The following SLC12A1 variants were observed in gnomAD, a reference collection of about 807,000 sequenced individuals.
SLC12A1 encodes the protein solute carrier family 12 member 1.
Under a neutral mutation model 130.4 loss-of-function variants are expected in SLC12A1, and 89 were observed. The observed-to-expected ratio is 0.68, with a 90% confidence interval of 0.58 to 0.81. SLC12A1 has a LOEUF of 0.81. Among genes scored for constraint, SLC12A1 ranks in the 40% least tolerant of loss-of-function variants. The probability of loss-of-function intolerance (pLI) is 0.00; values close to 1 mark genes in which losing one functional copy is unlikely to be tolerated. For synonymous variants in SLC12A1, 499 were observed against 460.0 expected (o/e 1.08, Z -1.09); for missense variants, 1,310 against 1,336.4 (o/e 0.98, Z 0.31).
chr15:48,267,747 G>C, intron 18 of SLC12A1, 46 bp downstream of exon 18: 1 of 1,603,034 alleles, frequency 6.2e-7, no homozygotes. Flanking sequence ...AAGACAATTA[G>C]TGCTCCATGT....
chr15:48,210,081 T>C (rs1386901462), intron 2 of SLC12A1, among the ~76,000 whole-genome samples: 1 of 151,820 alleles, frequency 6.6e-6, no homozygotes, highest in Non-Finnish European at 1.5e-5. Context: ...TCCTTTTCTG[T>C]GTCAAGAAAG....
In SLC12A1 at chr15:48,276,694, C is replaced by T. The variant is rs537318178; in HGVS notation, c.2485+2041C>T. ...GTGACACTTGTTATGGCAGCCTGGG[C>T]GGACTAATACAGGAGACATCATGGC... On this transcript the variant is annotated intron_variant, in intron 20 of 26. Transcript: ENST00000380993. Among the ~76,000 whole-genome samples, 5 of 152,172 alleles carry T rather than the reference C, an allele frequency of 3.3e-5. No homozygotes were observed. The East Asian group carries it at 5.8e-4, about 18-fold the overall frequency.
intron 23 of SLC12A1, 97 bp downstream of exon 23, chr15:48,288,613 A>T (rs2042085414): frequency 3.1e-6 from 2 of 640,998 alleles, no homozygotes; most frequent in Admixed American, 2.8e-5. Context: ...GACACAATAG[A>T]CTCAAAGACA....
intron 9 of SLC12A1, among the ~76,000 whole-genome samples, chr15:48,239,071 C>T (rs527837452): frequency 1.3e-5 from 2 of 152,234 alleles, no homozygotes; most frequent in South Asian, 2.1e-4. Flanking sequence ...TGGGTTACTG[C>T]GTGTGGATAG....
intron 25 of SLC12A1, among the ~76,000 whole-genome samples, chr15:48,300,392 T>C (rs1318105056): frequency 6.6e-6 from 1 of 150,898 alleles, no homozygotes; most frequent in Admixed American, 6.6e-5. Context: ...GCTCTTCAGG[T>C]AGGATTTTGT....
intron 23 of SLC12A1, among the ~76,000 whole-genome samples, chr15:48,290,133 CT>C (rs1211346429): frequency 2.0e-5 from 3 of 151,950 alleles, no homozygotes; most frequent in Non-Finnish European, 4.4e-5. Context: ...AAACTGTTTT[CT>C]TTTTTTCTTT....
intron 25 of SLC12A1, among the ~76,000 whole-genome samples, chr15:48,300,230 C>T (rs183080109): frequency 2.0e-5 from 3 of 150,846 alleles, no homozygotes; most frequent in Admixed American, 6.6e-5. Flanking sequence ...ACTTGGGAGG[C>T]GAAGGCAGGA....
At position 48,259,404 on chromosome 15, in the gene SLC12A1, A is replaced by G. The variant is rs2041745082; in HGVS notation, c.2154+93A>G. 1.0e-5 allele frequency: 9 copies of G among 864,942 alleles called. No individual in the cohort carries two copies. In the South Asian group the frequency reaches 1.1e-4, roughly 10 times the overall value. The allele number at this position is 864,942 out of a possible 1,614,324, so 53.6% of individuals were successfully genotyped here. ...GAGAAAAGGTACATGCAGTGACAGG[A>G]AAATAGCAAAAAAACAGTTTATAGG... On this transcript the variant is annotated intron_variant, in intron 17 of 26. Transcript: ENST00000380993.
Position 48,255,864 on chromosome 15 carries a change from A to G in SLC12A1, c.1996A>G (p.Asn666Asp). ...TCTTTCCTACGTGAGTGCTTTAGAC[A>G]ATGCTCTGGAATTAACCACAGTGGA... ...QALSYVSALD[N>D]ALELTTVEDH... is the part of the protein sequence containing the mutation. Residue 666 changes from asparagine to aspartate, a missense_variant, in exon 16 of 27, where the codon AAT (asparagine) becomes GAT (aspartate). Asn to Asp is a conservative substitution (Grantham distance 23). Coordinates refer to ENST00000380993, the MANE Select transcript of SLC12A1 (RefSeq NM_000338.3). 1 of 1,606,988 alleles carries G rather than the reference A, an allele frequency of 6.2e-7. No homozygotes were observed. The highest frequency in any genetic ancestry group is 8.5e-7 in the Non-Finnish European group (1 of 1,176,684).
chr15:48,285,369 A>T, intron 21 of SLC12A1, 120 bp downstream of exon 21: 1 of 890,734 alleles, frequency 1.1e-6, no homozygotes, highest in Non-Finnish European at 1.7e-6. Flanking sequence ...TAGGAACTGA[A>T]AGGTTTCTCT....
At chr15:48,272,315 T>G (rs1480831838) in intron 19 of SLC12A1, among the ~76,000 whole-genome samples, 1 of 152,258 alleles carries the variant, frequency 6.6e-6, no homozygotes, top group Admixed American at 6.5e-5. Context: ...ATCACAGTAT[T>G]ATTGTTAACA....
chr15:48,301,312 C>T lies in SLC12A1; in HGVS notation c.3097-3C>T. 1 of 1,596,482 alleles carries T rather than the reference C, an allele frequency of 6.3e-7. No homozygotes were observed. The highest frequency in any genetic ancestry group is 8.5e-7 in the Non-Finnish European group (1 of 1,170,060). On this transcript the variant is annotated splice_region_variant and splice_polypyrimidine_tract_variant and intron_variant, in intron 25 of 26. Transcript: ENST00000380993. ...ACTCAACAAATCTGAATGTTGCCCA[C>T]AGAGTTACCGCCAAGTTCGACTGAA... is the stretch of plus-strand genomic sequence containing the variant.
chr15:48,221,074 C>T (rs929880455), intron 4 of SLC12A1, 78 bp downstream of exon 4: 24 of 1,273,010 alleles, frequency 1.9e-5, no homozygotes, highest in African/African-American at 1.6e-4. Flanking sequence ...ACCATTAATA[C>T]TGAATGTGAG....
intron 2 of SLC12A1, among the ~76,000 whole-genome samples, chr15:48,218,519 T>TTC (rs1416359257): frequency 1.3e-5 from 2 of 152,146 alleles, no homozygotes; most frequent in Non-Finnish European, 2.9e-5. Flanking sequence ...AGCAAGAGCC[T>TTC]TTGAGTATGG....
rs150258541 is a variant in SLC12A1 at position 48,234,907 on chromosome 15, G to A, written c.1118G>A (p.Arg373His). ...ATATTTGCAGAAAACTTTGGGCCAC[G>A]CTTCACAAAGGGTGAAGGCTTCTTC... ...ASIFAENFGP[R>H]FTKGEGFFSV... Residue 373 changes from arginine (R) to histidine (H), a missense_variant, in exon 9 of 27, where the codon CGC becomes CAC. Coordinates refer to ENST00000380993, the MANE Select transcript of SLC12A1 (RefSeq NM_000338.3). 993 of 1,613,766 alleles carry A rather than the reference G, an allele frequency of 6.2e-4. 2 individuals are homozygous for A. Among genetic ancestry groups the A allele is most frequent in the Non-Finnish European group, 7.7e-4 (908 of 1,179,738 alleles).
intron 20 of SLC12A1, among the ~76,000 whole-genome samples, chr15:48,283,151 A>G (rs1237977482): frequency 6.6e-6 from 1 of 152,232 alleles, no homozygotes; most frequent in African/African-American, 2.4e-5. Flanking sequence ...AAAGTTGCAT[A>G]AATATACTGC....
At chr15:48,293,845 G>C (rs1473261434) in intron 24 of SLC12A1, among the ~76,000 whole-genome samples, 1 of 151,826 alleles carries the variant, frequency 6.6e-6, no homozygotes, top group Non-Finnish European at 1.5e-5. Flanking sequence ...AGGAGTTCCA[G>C]AGCAGCCTAG....
At chr15:48,220,144 T>A in intron 2 of SLC12A1, among the ~76,000 whole-genome samples, 1 of 141,882 alleles carries the variant, frequency 7.0e-6, no homozygotes, top group East Asian at 2.3e-4. Flanking sequence ...GATAGATAGA[T>A]AGATAGATAG....
At chr15:48,218,013 T>C (rs1009681401) in intron 2 of SLC12A1, 2 of 152,326 alleles carry the variant, frequency 1.3e-5, no homozygotes, top group Non-Finnish European at 2.9e-5. Flanking sequence ...TTTAGCCATG[T>C]TGCCTAGGCT....
Sources: allele counts gnomAD v4.1 joint callset (sites outside exome capture counted in the v4.1 genomes callset), GRCh38; gene constraint gnomAD v4.1.1; transcripts MANE v1.5; gene names NCBI Gene and HGNC (gene_info 2026-07-23, HGNC 2026-07-21).